Variants in CDH12 observed in about 807,000 individuals in gnomAD.
CDH12 encodes the protein cadherin-12.
A neutral mutation model predicts 74.1 loss-of-function variants in CDH12; 41 were observed. The observed-to-expected ratio is 0.55, with a 90% CI of 0.43 to 0.72. The LOEUF is 0.72. CDH12 is among the 30% of genes least tolerant of loss of function. The probability of loss-of-function intolerance (pLI) is 0.00; values close to 1 mark genes in which losing one functional copy is unlikely to be tolerated. For synonymous variants in CDH12, 399 were observed against 355.0 expected (o/e 1.12, Z -1.39); for missense variants, 945 against 977.2 (o/e 0.97, Z 0.44).
chr5:21,845,790 A>C (rs1750134230), intron 7 of CDH12, among the ~76,000 whole-genome samples: 1 of 152,056 alleles, frequency 6.6e-6, no homozygotes, highest in Non-Finnish European at 1.5e-5. Flanking sequence ...CAGAGTGATA[A>C]AGGAGATAGA....
At chr5:21,860,695 T>C (rs999915697) in intron 6 of CDH12, among the ~76,000 whole-genome samples, 1 of 150,056 alleles carries the variant, frequency 6.7e-6, no homozygotes, top group African/African-American at 2.5e-5. Context: ...CTGTGCTAGA[T>C]GCTTCCTGCC....
At chr5:22,011,425 T>G (rs1452985360) in intron 5 of CDH12, among the ~76,000 whole-genome samples, 2 of 152,202 alleles carry the variant, frequency 1.3e-5, no homozygotes, top group Non-Finnish European at 1.5e-5. Flanking sequence ...TAATGAGAGA[T>G]ATTTTCTTAT....
chr5:22,047,285 T>C (rs184878008), intron 5 of CDH12, among the ~76,000 whole-genome samples: 3 of 152,324 alleles, frequency 2.0e-5, no homozygotes, highest in African/African-American at 7.2e-5. Flanking sequence ...TCTCTTACTG[T>C]AACTTATAGA....
intron 2 of CDH12, among the ~76,000 whole-genome samples, chr5:22,501,619 A>C (rs1736151295): frequency 1.3e-5 from 2 of 152,122 alleles, no homozygotes; most frequent in African/African-American, 4.8e-5. Context: ...CAATTACCAA[A>C]ATTAGAAATA....
intron 3 of CDH12, among the ~76,000 whole-genome samples, chr5:22,325,775 G>T (rs910372585): frequency 6.6e-6 from 1 of 152,094 alleles, no homozygotes; most frequent in African/African-American, 2.4e-5. Context: ...GGGCGTGGTA[G>T]CGGTCATCTG....
intron 6 of CDH12, among the ~76,000 whole-genome samples, chr5:21,888,759 T>TA (rs1287319256): frequency 6.6e-5 from 10 of 152,078 alleles, no homozygotes; most frequent in Non-Finnish European, 1.5e-4. Flanking sequence ...ACCTGCTTTT[T>TA]AAAATTTAAC....
intron 2 of CDH12, among the ~76,000 whole-genome samples, chr5:22,497,722 A>C (rs1322499408): frequency 1.6e-5 from 2 of 127,084 alleles, no homozygotes; most frequent in Admixed American, 2.0e-4. Context: ...GGCTCACTGC[A>C]ACCTCAGCCT....
intron 5 of CDH12, among the ~76,000 whole-genome samples, chr5:22,040,032 A>C (rs116553955): frequency 1.6e-3 from 242 of 152,212 alleles, no homozygotes; most frequent in African/African-American, 5.7e-3. Flanking sequence ...TAATAATCTT[A>C]AGGAATCTCA....
At chr5:22,044,129 G>GC (rs1438392975) in intron 5 of CDH12, among the ~76,000 whole-genome samples, 2 of 152,130 alleles carry the variant, frequency 1.3e-5, no homozygotes, top group East Asian at 1.9e-4. Context: ...AAAAGCTAAA[G>GC]CAATCTTGAG....
intron 3 of CDH12, among the ~76,000 whole-genome samples, chr5:22,368,314 T>G (rs1234468690): frequency 1.3e-5 from 2 of 152,168 alleles, no homozygotes; most frequent in Non-Finnish European, 2.9e-5. Context: ...TGTTATTGTT[T>G]TTAAAACAGG....
In CDH12 at chr5:21,918,942, TC is replaced by T. The variant is rs560149087; in HGVS notation, c.526+56148del. On this transcript the variant is annotated intron_variant, in intron 6 of 14. Transcript: ENST00000382254. ...CTATATACTTTTCAGTTTTACAAAG[TC>T]ATATTGACAGAGACACATCTAAATT... Among the ~76,000 whole-genome samples the T allele has an allele frequency of 5.9e-5, 9 of 152,284 alleles. No homozygotes were observed. In the South Asian group the frequency reaches 1.9e-3, roughly 32 times the overall value.
intron 3 of CDH12, among the ~76,000 whole-genome samples, chr5:22,357,281 G>C (rs1228797136): frequency 6.6e-6 from 1 of 152,028 alleles, no homozygotes; most frequent in Non-Finnish European, 1.5e-5. Context: ...AATTATTTCT[G>C]ATTTCTAGTG....
intron 1 of CDH12, among the ~76,000 whole-genome samples, chr5:22,720,286 G>C (rs1186308613): frequency 3.3e-5 from 5 of 152,078 alleles, no homozygotes; most frequent in African/African-American, 1.2e-4. Flanking sequence ...GGTTTTTTAA[G>C]GGGCTTTTCC....
intron 1 of CDH12, among the ~76,000 whole-genome samples, chr5:22,519,424 CT>C (rs373678915): frequency 0.022 from 3,120 of 140,644 alleles, 45 homozygotes; most frequent in African/African-American, 0.06. Flanking sequence ...TATCCACACT[CT>C]TTTTTTTTTT....
intron 1 of CDH12, among the ~76,000 whole-genome samples, chr5:22,599,474 T>A (rs2126810196): frequency 6.6e-6 from 1 of 152,256 alleles, no homozygotes; most frequent in South Asian, 2.1e-4. Flanking sequence ...CGCTGATAAA[T>A]CATAGTAAAA....
intron 1 of CDH12, among the ~76,000 whole-genome samples, chr5:22,630,054 G>A (rs1738502958): frequency 1.3e-5 from 2 of 151,996 alleles, no homozygotes; most frequent in Admixed American, 6.6e-5. Context: ...TAAGCAGGAA[G>A]GTGAAAGATC....
chr5:22,187,746 C>G (rs908950157), intron 4 of CDH12, among the ~76,000 whole-genome samples: 1 of 151,364 alleles, frequency 6.6e-6, no homozygotes, highest in African/African-American at 2.4e-5. Flanking sequence ...TTCCATTTTA[C>G]TGAAGCAGTG....
intron 1 of CDH12, among the ~76,000 whole-genome samples, chr5:22,586,192 G>A (rs978823016): frequency 1.6e-4 from 25 of 152,192 alleles, no homozygotes; most frequent in African/African-American, 5.3e-4. Flanking sequence ...CCTTTGTAGG[G>A]ACATGGATGA....
chr5:22,529,535 C>T (rs752261249), intron 1 of CDH12, among the ~76,000 whole-genome samples: 22 of 152,102 alleles, frequency 1.4e-4, no homozygotes, highest in Non-Finnish European at 2.9e-4. Context: ...TTGGTTCCAT[C>T]TAGGCCATCA....
Sources: allele counts gnomAD v4.1 joint callset (sites outside exome capture counted in the v4.1 genomes callset), GRCh38; gene constraint gnomAD v4.1.1; transcripts MANE v1.5; gene names NCBI Gene and HGNC (gene_info 2026-07-23, HGNC 2026-07-21).